RBFOX1: variants seen among roughly 807,000 people sequenced by gnomAD.
The protein encoded by RBFOX1 is RNA binding protein fox-1 homolog 1.
In RBFOX1, 8 loss-of-function variants were observed where a neutral mutation model predicts 57.7. The ratio of observed to expected loss-of-function variants is 0.14; its 90% CI spans 0.08 to 0.25. The LOEUF (loss-of-function observed/expected upper bound fraction) is 0.25, where lower values mean the gene tolerates loss of function less well. Ranked by LOEUF, RBFOX1 falls within the 10% of genes least tolerant of loss-of-function variation. The probability of loss-of-function intolerance (pLI) is 1.00; values close to 1 mark genes in which losing one functional copy is unlikely to be tolerated. For synonymous variants in RBFOX1, 326 were observed against 222.4 expected, an observed-to-expected ratio of 1.47 and a Z score of -4.15; for missense variants, 611 against 548.5, an observed-to-expected ratio of 1.11 and a Z score of -1.14.
intron 4 of RBFOX1, among the ~76,000 whole-genome samples, chr16:7,429,201 C>G (rs1446144734): frequency 6.6e-6 from 1 of 152,202 alleles, no homozygotes; most frequent in African/African-American, 2.4e-5. Context: ...GGGACATCTA[C>G]TGGACAGAGG....
intron 3 of RBFOX1, among the ~76,000 whole-genome samples, chr16:6,949,841 G>A (rs942213606): frequency 5.9e-5 from 9 of 151,780 alleles, no homozygotes; most frequent in Non-Finnish European, 1.0e-4. Flanking sequence ...CTCTTCACCC[G>A]GACAGAATGC....
chr16:5,404,768 A>T (rs1486465200), intron 1 of RBFOX1, among the ~76,000 whole-genome samples: 1 of 152,206 alleles, frequency 6.6e-6, no homozygotes. Context: ...ATCATTTAGA[A>T]AGATGAGGAA....
chr16:5,499,608 T>C (rs1597313421), intron 2 of RBFOX1, among the ~76,000 whole-genome samples: 2 of 152,082 alleles, frequency 1.3e-5, no homozygotes, highest in African/African-American at 4.8e-5. Context: ...AGTCTCGCTG[T>C]ATCGTCCAGG....
intron 2 of RBFOX1, among the ~76,000 whole-genome samples, chr16:6,430,395 A>G (rs2094045953): frequency 6.6e-6 from 1 of 152,238 alleles, no homozygotes; most frequent in South Asian, 2.1e-4. Context: ...GTTTGGATTA[A>G]TGCTGTCAGA....
rs1450102201 is a variant in RBFOX1, at chr16:5,599,182, C to T, written c.539C>T (p.Ala180Val). ...CAGCCTCTGGTACATGGTGTGAGAG[C>T]TGTATTCTGTCCTCTAAAAAAGACC... The change falls in exon 3 of 3, where the codon GCT (alanine) becomes GTT (valine). Residue 180 changes from alanine to valine, a missense_variant. Ala to Val is a moderately conservative substitution (Grantham distance 64, BLOSUM62 0). Coordinates refer to the RBFOX1 transcript ENST00000585867. 7 of 704,948 alleles carry T rather than the reference C, an allele frequency of 9.9e-6. No individual in the cohort carries two copies. The East Asian group carries it at 1.6e-4, about 16-fold the overall frequency. The allele number at this position is 704,948 out of a possible 1,614,324, so 43.7% of individuals were successfully genotyped here. A position where few individuals can be genotyped will look rare whatever the true frequency, so the allele number is the denominator to read the frequency against.
At chr16:6,148,156 C>A (rs188361253) in intron 1 of RBFOX1, among the ~76,000 whole-genome samples, 1 of 152,140 alleles carries the variant, frequency 6.6e-6, no homozygotes, top group African/African-American at 2.4e-5. Context: ...TGGTGAAACC[C>A]GTCTCTACTA....
intron 3 of RBFOX1, among the ~76,000 whole-genome samples, chr16:5,824,588 G>C (rs1456376692): frequency 6.6e-6 from 1 of 152,204 alleles, no homozygotes. Context: ...CTGAGGTGTG[G>C]AAGGAAAATT....
At chr16:6,889,061 T>G (rs1477106127) in intron 3 of RBFOX1, among the ~76,000 whole-genome samples, 1 of 152,194 alleles carries the variant, frequency 6.6e-6, no homozygotes, top group Non-Finnish European at 1.5e-5. Flanking sequence ...TTGTATTTTT[T>G]CCCTTATAGA....
At chr16:5,346,371 C>T (rs761343070) in intron 1 of RBFOX1, among the ~76,000 whole-genome samples, 10 of 152,132 alleles carry the variant, frequency 6.6e-5, no homozygotes, top group Non-Finnish European at 1.5e-4. Flanking sequence ...CATAAATTGT[C>T]AGGAGAGGGA....
At chr16:7,075,083 A>T (rs1334484574) in intron 4 of RBFOX1, among the ~76,000 whole-genome samples, 1 of 152,222 alleles carries the variant, frequency 6.6e-6, no homozygotes, top group Non-Finnish European at 1.5e-5. Flanking sequence ...ATAGTAGCCA[A>T]GATGAAGTTC....
intron 3 of RBFOX1, among the ~76,000 whole-genome samples, chr16:6,734,809 G>T (rs1214806937): frequency 6.6e-6 from 1 of 152,212 alleles, no homozygotes; most frequent in East Asian, 1.9e-4. Flanking sequence ...TATTTTTTAC[G>T]AAATCTAGAT....
intron 3 of RBFOX1, among the ~76,000 whole-genome samples, chr16:5,646,489 A>G (rs1344662952): frequency 6.6e-6 from 1 of 152,098 alleles, no homozygotes; most frequent in African/African-American, 2.4e-5. Context: ...AGTGAAAAAT[A>G]CTGACTGTGA....
At chr16:6,685,107 C>A (rs899489006) in intron 3 of RBFOX1, among the ~76,000 whole-genome samples, 19 of 152,078 alleles carry the variant, frequency 1.2e-4, no homozygotes, top group African/African-American at 4.6e-4. Flanking sequence ...TATTTCCTGT[C>A]CAGAAAGGAA....
At chr16:7,167,787 C>G (rs2079868016) in intron 4 of RBFOX1, among the ~76,000 whole-genome samples, 1 of 152,214 alleles carries the variant, frequency 6.6e-6, no homozygotes, top group Non-Finnish European at 1.5e-5. Context: ...TGCTTTCACT[C>G]TGCAAGGGCA....
chr16:7,234,949 C>A (rs2093695638), intron 4 of RBFOX1, among the ~76,000 whole-genome samples: 1 of 152,050 alleles, frequency 6.6e-6, no homozygotes, highest in South Asian at 2.1e-4. Flanking sequence ...GCTTTTATGC[C>A]TGTAGCTTGG....
intron 3 of RBFOX1, among the ~76,000 whole-genome samples, chr16:6,808,868 C>T (rs35917832): frequency 6.6e-6 from 1 of 152,038 alleles, no homozygotes; most frequent in Non-Finnish European, 1.5e-5. Context: ...TCCTGTAACA[C>T]CTTTAGCAGG....
At chr16:6,312,187 G>A (rs12447966) in intron 1 of RBFOX1, among the ~76,000 whole-genome samples, 48,100 of 151,990 alleles carry the variant, frequency 0.32, 8,065 homozygotes, top group Middle Eastern at 0.4. Context: ...AAATGGGCAT[G>A]TTTCTTACAC....
At chr16:6,884,244 A>G (rs2063519749) in intron 3 of RBFOX1, among the ~76,000 whole-genome samples, 1 of 152,132 alleles carries the variant, frequency 6.6e-6, no homozygotes, top group Non-Finnish European at 1.5e-5. Flanking sequence ...GGACCCAGGG[A>G]GCGTGGCAAT....
chr16:5,551,038 G>T (rs34527407), intron 2 of RBFOX1, among the ~76,000 whole-genome samples: 43,084 of 152,138 alleles, frequency 0.28, 6,792 homozygotes, highest in Non-Finnish European at 0.35. Context: ...TCAGGGAACT[G>T]TGGGGAGGCA....
Sources: allele counts gnomAD v4.1 joint callset (sites outside exome capture counted in the v4.1 genomes callset), GRCh38; gene constraint gnomAD v4.1.1; transcripts MANE v1.5; gene names NCBI Gene and HGNC (gene_info 2026-07-23, HGNC 2026-07-21).